ZNF674: variants seen among roughly 807,000 people sequenced by gnomAD.
ZNF674 encodes zinc finger protein 674.
A neutral mutation model predicts 7.0 loss-of-function variants in ZNF674; 2 were observed. The ratio of observed to expected loss-of-function variants is 0.29; its 90% CI spans 0.12 to 0.90. ZNF674 has a LOEUF of 0.90. Among genes scored for constraint, ZNF674 ranks in the 40% least tolerant of loss-of-function variants. ZNF674 has a pLI of 0.57. For missense variants in ZNF674, 297 were observed against 415.5 expected, an observed-to-expected ratio of 0.71 and a Z score of 2.48; for synonymous variants, 103 against 145.2, an observed-to-expected ratio of 0.71 and a Z score of 2.09.
chrX:46,518,604 G>A (rs773595315), intron 5 of ZNF674, among the ~76,000 whole-genome samples: 14 of 109,015 alleles, frequency 1.3e-4, no homozygotes, highest in African/African-American at 3.7e-4. Context: ...GGCCAGGCAC[G>A]GTGGCTCATG....
At chrX:46,540,468 T>C (rs1037821075) in intron 3 of ZNF674, among the ~76,000 whole-genome samples, 1 of 112,078 alleles carries the variant, frequency 8.9e-6, no homozygotes, top group Non-Finnish European at 1.9e-5. Flanking sequence ...ATCCATGTTC[T>C]TAAGGGAAAC....
chrX:46,532,629 G>A (rs1328213235), intron 3 of ZNF674, among the ~76,000 whole-genome samples: 3 of 111,888 alleles, frequency 2.7e-5, no homozygotes, highest in African/African-American at 9.7e-5. Flanking sequence ...CATTGAAAGA[G>A]ATCTGATCTA....
At chrX:46,530,121 T>C (rs368805922) in intron 3 of ZNF674, among the ~76,000 whole-genome samples, 1,297 of 111,519 alleles carry the variant, frequency 0.012, 15 homozygotes, top group African/African-American at 0.026. Flanking sequence ...CTCCAGATCC[T>C]ATCCTGTAAC....
At chrX:46,520,120 G>A (rs1394634650) in intron 5 of ZNF674, among the ~76,000 whole-genome samples, 2 of 111,871 alleles carry the variant, frequency 1.8e-5, no homozygotes, top group Non-Finnish European at 3.8e-5. Flanking sequence ...AAAGAGTGAC[G>A]GTCAGGTGTG....
intron 5 of ZNF674, among the ~76,000 whole-genome samples, chrX:46,523,776 C>T (rs1011333794): frequency 9.0e-6 from 1 of 111,695 alleles, no homozygotes; most frequent in Non-Finnish European, 1.9e-5. Context: ...GGTGCAGTGG[C>T]TCACACCTGT....
chrX:46,510,015 CATT>C (rs964334462), intron 5 of ZNF674, among the ~76,000 whole-genome samples: 1 of 109,041 alleles, frequency 9.2e-6, no homozygotes, highest in Non-Finnish European at 1.9e-5. Context: ...TGGAAATCAT[CATT>C]GTCAGTAAAC....
At chrX:46,520,228 C>T (rs1024420651) in intron 5 of ZNF674, among the ~76,000 whole-genome samples, 7 of 110,105 alleles carry the variant, frequency 6.4e-5, no homozygotes, top group Non-Finnish European at 9.5e-5. Context: ...ATGGTGAAAC[C>T]CCATCTCTAC....
intron 5 of ZNF674, among the ~76,000 whole-genome samples, chrX:46,527,156 C>T (rs1391078321): frequency 7.3e-5 from 8 of 109,022 alleles, no homozygotes; most frequent in Admixed American, 9.8e-5. Context: ...CCCAGCTACT[C>T]GGGAGGCTGA....
chrX:46,533,826 A>AT (rs1942153668), intron 3 of ZNF674, among the ~76,000 whole-genome samples: 8 of 75,658 alleles, frequency 1.1e-4, no homozygotes, highest in African/African-American at 4.8e-4. Flanking sequence ...AAAAAAAAAA[A>AT]AAAATATATA....
chrX:46,511,237 TATAAAG>T (rs1000736448), intron 5 of ZNF674, among the ~76,000 whole-genome samples: 2 of 112,206 alleles, frequency 1.8e-5, no homozygotes, highest in African/African-American at 6.5e-5. Context: ...CAATTGCCTT[TATAAAG>T]ATAATTATTC....
chrX:46,544,096 C>T (rs1172499979), intron 2 of ZNF674, among the ~76,000 whole-genome samples: 1 of 112,585 alleles, frequency 8.9e-6, no homozygotes, highest in Non-Finnish European at 1.9e-5. Flanking sequence ...AGCCTCATCC[C>T]GCCTTTGCAG....
At chrX:46,536,721 C>T (rs1490549348) in intron 3 of ZNF674, among the ~76,000 whole-genome samples, 1 of 109,534 alleles carries the variant, frequency 9.1e-6, no homozygotes, top group African/African-American at 3.3e-5. Flanking sequence ...CATGCCACTG[C>T]ACTTCAGCCT....
intron 3 of ZNF674, among the ~76,000 whole-genome samples, chrX:46,531,633 T>C (rs1942109894): frequency 1.8e-5 from 2 of 110,869 alleles, no homozygotes; most frequent in African/African-American, 3.3e-5. Flanking sequence ...TAGGAAAAAC[T>C]TGGGTTTCCT....
At chrX:46,520,897 A>T (rs928232344) in intron 5 of ZNF674, among the ~76,000 whole-genome samples, 1 of 111,934 alleles carries the variant, frequency 8.9e-6, no homozygotes, top group African/African-American at 3.2e-5. Flanking sequence ...CAGTGAAAAG[A>T]CAATCTAGAC....
chrX:46,541,462 ATCTT>A (rs937368357), intron 3 of ZNF674, among the ~76,000 whole-genome samples: 11 of 112,122 alleles, frequency 9.8e-5, no homozygotes, highest in Non-Finnish European at 1.9e-4. Flanking sequence ...AATTAAAACA[ATCTT>A]TATATATTGA....
chrX:46,500,724 A>T lies in ZNF674; in HGVS notation c.850T>A (p.Phe284Ile). The change falls in exon 6 of 6, where the codon TTT becomes ATT. Residue 284 changes from phenylalanine to isoleucine, a missense_variant. Physicochemically the swap from Phe to Ile is conservative, Grantham distance 21. Transcript: ENST00000683375. ...TTAATCAGAGTTGACTTCTGGATAA[A>T]GGTTTTTCCACATTCACTGCATTCA... is the stretch of plus-strand genomic sequence containing the variant. ...PYECSECGKT[F>I]IQKSTLIKHQ... 8.3e-7 allele frequency: 1 copy of T among 1,210,119 alleles called. No homozygotes were observed. Among genetic ancestry groups the T allele is most frequent in the Non-Finnish European group, 1.1e-6 (1 of 894,665 alleles).
intron 5 of ZNF674, among the ~76,000 whole-genome samples, chrX:46,501,994 T>C (rs1378952439): frequency 9.1e-6 from 1 of 109,454 alleles, no homozygotes; most frequent in African/African-American, 3.3e-5. Flanking sequence ...CCAACTCTCA[T>C]TGAGGAGTTC....
At chrX:46,540,258 A>G (rs1942271116) in intron 3 of ZNF674, among the ~76,000 whole-genome samples, 2 of 111,002 alleles carry the variant, frequency 1.8e-5, no homozygotes, top group East Asian at 2.8e-4. Context: ...AAAAAAAAAG[A>G]AAGATTCATA....
chrX:46,508,531 T>A (rs191171128), intron 5 of ZNF674, among the ~76,000 whole-genome samples: 18 of 111,720 alleles, frequency 1.6e-4, no homozygotes, highest in African/African-American at 4.5e-4. Context: ...GGGGATGGCA[T>A]TGAATCTATA....
Sources: gnomAD v4.1 joint callset for allele counts (sites outside exome capture counted in the v4.1 genomes callset) on GRCh38, gnomAD v4.1.1 for gene constraint, MANE v1.5 for transcripts, NCBI Gene and HGNC (gene_info 2026-07-23, HGNC 2026-07-21) for gene names.